The following RBFOX1 variants were observed in gnomAD, a reference collection of about 807,000 sequenced individuals.
The protein encoded by RBFOX1 is RNA binding protein fox-1 homolog 1.
Under a neutral mutation model 57.7 loss-of-function variants are expected in RBFOX1, and 8 were observed. The observed-to-expected ratio is 0.14, with a 90% CI of 0.08 to 0.25. The LOEUF (loss-of-function observed/expected upper bound fraction) is 0.25. Among genes scored for constraint, RBFOX1 ranks in the 10% least tolerant of loss-of-function variants. RBFOX1 has a pLI of 1.00. For missense variants in RBFOX1, 611 were observed against 548.5 expected, an observed-to-expected ratio of 1.11 and a Z score of -1.14; for synonymous variants, 326 against 222.4, an observed-to-expected ratio of 1.47 and a Z score of -4.15.
chr16:7,560,994 T>C (rs532689676), intron 5 of RBFOX1, among the ~76,000 whole-genome samples: 1 of 152,332 alleles, frequency 6.6e-6, no homozygotes, highest in Admixed American at 6.5e-5. Context: ...GTGTGGTTTA[T>C]TCATTTCTCC....
intron 14 of RBFOX1, among the ~76,000 whole-genome samples, chr16:7,694,500 T>A (rs1472449608): frequency 6.6e-6 from 1 of 152,200 alleles, no homozygotes; most frequent in Non-Finnish European, 1.5e-5. Flanking sequence ...CGGGTTAAAG[T>A]CTTACCTGGT....
chr16:5,796,771 C>A (rs2054893405), intron 3 of RBFOX1, among the ~76,000 whole-genome samples: 1 of 152,158 alleles, frequency 6.6e-6, no homozygotes, highest in Non-Finnish European at 1.5e-5. Flanking sequence ...AAGATTCAAC[C>A]CCAGCTCTGT....
Position 6,256,159 on chromosome 16 carries a change from GTATATATATATGTA to G in RBFOX1, c.-126-60824_-126-60811del, listed in dbSNP as rs1378325544. On this transcript the variant is annotated intron_variant, in intron 1 of 15. Coordinates refer to ENST00000550418, the MANE Select transcript of RBFOX1 (RefSeq NM_018723.4). ...TATATGTGTGTATATATATATATAT[GTATATATATATGTA>G]TATATATATATACGTATATATATGT... Among the ~76,000 whole-genome samples, 4 of 31,466 alleles carry G rather than the reference GTATATATATATGTA, an allele frequency of 1.3e-4. 1 individual carries two copies. Among genetic ancestry groups the G allele is most frequent in the Admixed American group, 9.5e-4 (2 of 2,110 alleles). 20.6% of individuals were successfully genotyped at this position (31,466 alleles called of 152,430 possible).
chr16:5,446,328 C>T (rs1045840364), intron 1 of RBFOX1, among the ~76,000 whole-genome samples: 2 of 152,096 alleles, frequency 1.3e-5, no homozygotes, highest in African/African-American at 4.8e-5. Flanking sequence ...GGAAGGTATG[C>T]ATCCTCATGG....
At chr16:7,360,108 G>T (rs1229213565) in intron 4 of RBFOX1, among the ~76,000 whole-genome samples, 2 of 152,134 alleles carry the variant, frequency 1.3e-5, no homozygotes, top group Non-Finnish European at 2.9e-5. Flanking sequence ...ATGAAAATGG[G>T]ATTCAACCAA....
chr16:7,309,088 G>C (rs2096255324), intron 4 of RBFOX1, among the ~76,000 whole-genome samples: 1 of 152,238 alleles, frequency 6.6e-6, no homozygotes, highest in African/African-American at 2.4e-5. Flanking sequence ...TAAGTGGCTG[G>C]AATGAGCACA....
intron 1 of RBFOX1, among the ~76,000 whole-genome samples, chr16:6,110,186 T>TTTC (rs541995080): frequency 0.011 from 1,132 of 102,078 alleles, 15 homozygotes; most frequent in Middle Eastern, 0.015. Context: ...TTTTCTGTAT[T>TTTC]TTCTTCTTCT....
intron 4 of RBFOX1, among the ~76,000 whole-genome samples, chr16:5,929,761 G>A (rs146421611): frequency 1.6e-3 from 244 of 152,216 alleles, no homozygotes; most frequent in African/African-American, 5.5e-3. Flanking sequence ...TGCATACCTA[G>A]TCACTTGCTG....
chr16:7,452,498 C>G (rs915391998), intron 4 of RBFOX1, among the ~76,000 whole-genome samples: 32 of 152,178 alleles, frequency 2.1e-4, no homozygotes, highest in African/African-American at 7.5e-4. Flanking sequence ...AGTACCTTTT[C>G]TCTCTTATCA....
intron 2 of RBFOX1, among the ~76,000 whole-genome samples, chr16:6,639,813 A>G (rs1290456326): frequency 6.6e-6 from 1 of 152,136 alleles, no homozygotes; most frequent in Admixed American, 6.5e-5. Context: ...TGGGAGGCAG[A>G]GCTTGCAGTG....
intron 4 of RBFOX1, among the ~76,000 whole-genome samples, chr16:5,952,075 A>G (rs1202534843): frequency 6.6e-6 from 1 of 150,504 alleles, no homozygotes; most frequent in Non-Finnish European, 1.5e-5. Flanking sequence ...ATATAAATAT[A>G]TGTGTATATA....
intron 2 of RBFOX1, among the ~76,000 whole-genome samples, chr16:6,496,921 T>C (rs1201174848): frequency 6.6e-6 from 1 of 151,898 alleles, no homozygotes; most frequent in African/African-American, 2.4e-5. Context: ...GACTACGCCA[T>C]TGCACTCCAG....
chr16:7,591,999 A>G (rs2094466249), intron 7 of RBFOX1, among the ~76,000 whole-genome samples: 2 of 151,932 alleles, frequency 1.3e-5, no homozygotes, highest in Admixed American at 6.6e-5. Context: ...TGCAACCCTC[A>G]GGTGAGAATT....
chr16:5,404,771 A>G (rs998345043), intron 1 of RBFOX1, among the ~76,000 whole-genome samples: 2 of 152,234 alleles, frequency 1.3e-5, no homozygotes, highest in African/African-American at 2.4e-5. Context: ...ATTTAGAAAG[A>G]TGAGGAATCA....
At chr16:7,574,786 T>G (rs1484088840) in intron 5 of RBFOX1, among the ~76,000 whole-genome samples, 1 of 152,034 alleles carries the variant, frequency 6.6e-6, no homozygotes, top group Non-Finnish European at 1.5e-5. Context: ...AAGTTGACAC[T>G]CAGTGTTAAC....
intron 1 of RBFOX1, among the ~76,000 whole-genome samples, chr16:6,083,649 T>A (rs1376460543): frequency 2.0e-5 from 3 of 152,006 alleles, no homozygotes; most frequent in Non-Finnish European, 4.4e-5. Flanking sequence ...GCTAATTTTT[T>A]AATTATTTGT....
chr16:5,856,381 G>A (rs996114498), intron 3 of RBFOX1, among the ~76,000 whole-genome samples: 1 of 136,652 alleles, frequency 7.3e-6, no homozygotes, highest in East Asian at 2.1e-4. Context: ...TGCTTGGTGA[G>A]AACACATAAG....
At chr16:5,644,703 C>T (rs2048990753) in intron 3 of RBFOX1, among the ~76,000 whole-genome samples, 2 of 152,172 alleles carry the variant, frequency 1.3e-5, no homozygotes, top group African/African-American at 4.8e-5. Flanking sequence ...TGATTATGAA[C>T]TGAGATCATG....
chr16:5,582,453 T>C (rs2046700150), intron 2 of RBFOX1, among the ~76,000 whole-genome samples: 1 of 150,928 alleles, frequency 6.6e-6, no homozygotes, highest in Non-Finnish European at 1.5e-5. Context: ...CTGTTAACGA[T>C]GAGGAAACCA....
Sources: allele counts gnomAD v4.1 joint callset (sites outside exome capture counted in the v4.1 genomes callset), GRCh38; gene constraint gnomAD v4.1.1; transcripts MANE v1.5; gene names NCBI Gene and HGNC (gene_info 2026-07-23, HGNC 2026-07-21).